CAMSAP2: variants seen among roughly 807,000 people sequenced by gnomAD.
The protein encoded by CAMSAP2 is calmodulin regulated spectrin associated protein family member 2.
Under a neutral mutation model 146.1 loss-of-function variants are expected in CAMSAP2, and 26 were observed. That is an observed-to-expected ratio of 0.18 (90% CI 0.13 to 0.25). The LOEUF is 0.25. Ranked by LOEUF, CAMSAP2 falls within the 10% of genes least tolerant of loss-of-function variation. The pLI is 1.00. For missense variants in CAMSAP2, 1,381 were observed against 1,759.3 expected, an observed-to-expected ratio of 0.78 and a Z score of 3.85; for synonymous variants, 499 against 596.6, an observed-to-expected ratio of 0.84 and a Z score of 2.38.
At chr1:200,816,279 C>G (rs1164756093) in intron 4 of CAMSAP2, among the ~76,000 whole-genome samples, 1 of 136,230 alleles carries the variant, frequency 7.3e-6, no homozygotes, top group Non-Finnish European at 1.6e-5. Flanking sequence ...CAGAGCGAGA[C>G]TCCATCTCAA....
At chr1:200,751,686 A>G (rs541060552) in intron 1 of CAMSAP2, among the ~76,000 whole-genome samples, 11 of 152,298 alleles carry the variant, frequency 7.2e-5, no homozygotes, top group South Asian at 4.2e-4. Context: ...TGGTGTGTCA[A>G]AAGCTTTCCC....
chr1:200,790,901 A>G (rs568830333), intron 2 of CAMSAP2, among the ~76,000 whole-genome samples: 10 of 151,966 alleles, frequency 6.6e-5, no homozygotes, highest in African/African-American at 2.4e-4. Flanking sequence ...CTGGAGTGCA[A>G]TGGTGCCATC....
At chr1:200,768,425 A>G (rs1242260084) in intron 2 of CAMSAP2, among the ~76,000 whole-genome samples, 1 of 152,196 alleles carries the variant, frequency 6.6e-6, no homozygotes, top group African/African-American at 2.4e-5. Flanking sequence ...GGGTTAGGGC[A>G]TGAATGATGT....
chr1:200,825,562 A>C (rs1666884091), intron 4 of CAMSAP2, among the ~76,000 whole-genome samples: 1 of 148,318 alleles, frequency 6.7e-6, no homozygotes, highest in African/African-American at 2.5e-5. Flanking sequence ...GCTGGAGTGC[A>C]ATGGTGCGAT....
chr1:200,784,565 A>T (rs532914877), intron 2 of CAMSAP2, among the ~76,000 whole-genome samples: 67 of 152,312 alleles, frequency 4.4e-4, no homozygotes, highest in African/African-American at 1.6e-3. Context: ...TTTATTGCTA[A>T]TATATAGAAA....
At chr1:200,786,064 G>A (rs933926058) in intron 2 of CAMSAP2, among the ~76,000 whole-genome samples, 2 of 152,092 alleles carry the variant, frequency 1.3e-5, no homozygotes, top group Non-Finnish European at 2.9e-5. Context: ...TCATTAAGTT[G>A]GTTATAATAC....
chr1:200,841,274 T>A (rs1667316166), intron 6 of CAMSAP2, among the ~76,000 whole-genome samples: 2 of 152,174 alleles, frequency 1.3e-5, no homozygotes, highest in South Asian at 4.1e-4. Context: ...TAAGACGGAG[T>A]CTTGCCCTGT....
At chr1:200,820,945 CTATT>C (rs1158523249) in intron 4 of CAMSAP2, among the ~76,000 whole-genome samples, 3 of 152,012 alleles carry the variant, frequency 2.0e-5, no homozygotes, top group Admixed American at 2.0e-4. Context: ...CTTAAGTTGT[CTATT>C]TAATATGTAT....
intron 12 of CAMSAP2, 144 bp downstream of exon 12, chr1:200,852,821 TAGAC>T (rs1166656407): frequency 1.1e-5 from 9 of 809,306 alleles, no homozygotes; most frequent in African/African-American, 1.1e-4. Context: ...GTAGTATAGA[TAGAC>T]AGCTGGATCA....
At position 200,839,102 on chromosome 1, in the gene CAMSAP2, T is replaced by C. The variant is rs928783864; in HGVS notation, c.928-2892T>C. Reference sequence around the variant, plus strand: ...GCATATATAAGTGCAGTCAGTACATTTGAGAATCATTTAGTAGCTGATGGA... The same window carrying C: ...GCATATATAAGTGCAGTCAGTACATCTGAGAATCATTTAGTAGCTGATGGA... On this transcript the variant is annotated intron_variant, in intron 6 of 16. Transcript: ENST00000358823. Among the ~76,000 whole-genome samples the C allele has an allele frequency of 4.6e-5, 7 of 152,290 alleles. No individual in the cohort carries two copies. The East Asian group carries it at 1.3e-3, about 29-fold the overall frequency.
Position 200,857,985 on chromosome 1 carries a change from A to G in CAMSAP2, c.4363A>G (p.Ile1455Val), listed in dbSNP as rs1667789066. ...AKTLSASVDA[I>V]TIHSHLWQTK... ...AACTTTATCTGCCAGTGTTGATGCA[A>G]TTACCATTCATAGCCATTTATGGCA... Residue 1455 changes from isoleucine to valine, a missense_variant, in exon 17 of 17, where the codon ATT becomes GTT. By Grantham distance (29) the Ile-to-Val change is conservative. Transcript: ENST00000358823. This position sits in a 1 kb window ranked among gnomAD's most constrained non-coding sequence, Gnocchi z 4.7. 5.0e-6 allele frequency: 8 copies of G among 1,613,582 alleles called. No homozygotes were observed. Among genetic ancestry groups the G allele is most frequent in the South Asian group, 1.1e-5 (1 of 91,002 alleles).
At chr1:200,822,888 G>T (rs898951207) in intron 4 of CAMSAP2, among the ~76,000 whole-genome samples, 10 of 152,122 alleles carry the variant, frequency 6.6e-5, no homozygotes, top group Non-Finnish European at 1.3e-4. Context: ...CTTATGAGTT[G>T]TTTATTTCTG....
Position 200,860,176 on chromosome 1 carries a change from A to G in CAMSAP2, c.*2117A>G, listed in dbSNP as rs1667843736. 1 of 152,724 alleles carries G rather than the reference A, an allele frequency of 6.5e-6. No homozygotes were observed. Among genetic ancestry groups the G allele is most frequent in the Non-Finnish European group, 1.5e-5 (1 of 67,982 alleles). 9.5% of individuals were successfully genotyped at this position (152,724 alleles called of 1,614,324 possible). On this transcript the variant is annotated 3_prime_UTR_variant, in exon 17 of 17. Transcript: ENST00000358823. ...ATTTTACTTTATTAATGCAGAAGGA[A>G]TATGGATATATTTCTTTAAGTCTGC...
At chr1:200,805,665 G>A (rs1036360950) in intron 2 of CAMSAP2, among the ~76,000 whole-genome samples, 55 of 152,304 alleles carry the variant, frequency 3.6e-4, no homozygotes, top group African/African-American at 1.2e-3. Flanking sequence ...TGATTGGAAA[G>A]AGAACTGGAA....
chr1:200,830,182 G>A (rs181047676), intron 4 of CAMSAP2, among the ~76,000 whole-genome samples: 79 of 152,320 alleles, frequency 5.2e-4, no homozygotes, highest in Admixed American at 1.0e-3. Context: ...AAGATTTAAA[G>A]TTGGTTTACT....
intron 2 of CAMSAP2, among the ~76,000 whole-genome samples, chr1:200,764,725 G>C (rs1664894169): frequency 6.6e-6 from 1 of 152,142 alleles, no homozygotes; most frequent in Non-Finnish European, 1.5e-5. Context: ...CTCTCTAAAT[G>C]GTTAAATTCC....
rs1667082654 is a variant in CAMSAP2 at position 200,832,938 on chromosome 1, G to A, written c.927+93G>A. ...ACACCGGGAACAGTGGCTCATGCCT[G>A]TAATCCCAGTACTTTGGGAGGACAA... is the stretch of plus-strand genomic sequence containing the variant. On this transcript the variant is annotated intron_variant, in intron 6 of 16. Transcript: ENST00000358823. The surrounding 1 kb of genome is among the most constrained non-coding windows in gnomAD (Gnocchi z 4.2). 5 of 1,108,250 alleles carry A rather than the reference G, an allele frequency of 4.5e-6. No homozygotes were observed. Among genetic ancestry groups the A allele is most frequent in the African/African-American group, 1.6e-5 (1 of 61,930 alleles). 68.7% of individuals were successfully genotyped at this position (1,108,250 alleles called of 1,614,324 possible). A position where few individuals can be genotyped will look rare whatever the true frequency, so the allele number is the denominator to read the frequency against.
chr1:200,854,742 C>T (rs1385822620), intron 13 of CAMSAP2, 75 bp from the exon 14 acceptor site: 1 of 1,057,762 alleles, frequency 9.5e-7, no homozygotes, highest in African/African-American at 1.6e-5. Context: ...AATGAACAGA[C>T]TCTTTGCTAG....
chr1:200,821,702 T>C (rs1200740703), intron 4 of CAMSAP2, among the ~76,000 whole-genome samples: 1 of 152,168 alleles, frequency 6.6e-6, no homozygotes, highest in Non-Finnish European at 1.5e-5. Context: ...CCTTTTCTCT[T>C]TCATAATAAT....
Sources: gnomAD v4.1 joint callset for allele counts (sites outside exome capture counted in the v4.1 genomes callset) on GRCh38, gnomAD v4.1.1 for gene constraint, Gnocchi (gnomAD v3.1) non-coding constraint, MANE v1.5 for transcripts, NCBI Gene and HGNC (gene_info 2026-07-23, HGNC 2026-07-21) for gene names.